The following IPO11 variants were observed in gnomAD, a reference collection of about 807,000 sequenced individuals.
The protein encoded by IPO11 is importin-11.
Under a neutral mutation model 143.2 loss-of-function variants are expected in IPO11, and 66 were observed. The observed-to-expected ratio is 0.46, with a 90% CI of 0.38 to 0.57. IPO11 has a LOEUF of 0.57. Among genes scored for constraint, IPO11 ranks in the 20% least tolerant of loss-of-function variants. The probability of loss-of-function intolerance (pLI) is 0.00; values close to 1 mark genes in which losing one functional copy is unlikely to be tolerated. For synonymous variants in IPO11, 385 were observed against 377.8 expected (o/e 1.02, Z -0.22); for missense variants, 1,026 against 1,141.0 (o/e 0.90, Z 1.45).
At chr5:62,579,981 T>C (rs1230900308) in intron 27 of IPO11, 4 of 1,551,316 alleles carry the variant, frequency 2.6e-6, no homozygotes, top group Non-Finnish European at 2.6e-6. Context: ...GTATGGTTGC[T>C]CTTCGGATAC....
At chr5:62,585,839 A>T (rs1744752598) in intron 27 of IPO11, among the ~76,000 whole-genome samples, 1 of 152,228 alleles carries the variant, frequency 6.6e-6, no homozygotes, top group Non-Finnish European at 1.5e-5. Context: ...TAAATTTGAC[A>T]GAATTTGTTG....
At chr5:62,452,938 A>G (rs1036894785) in intron 5 of IPO11, among the ~76,000 whole-genome samples, 2 of 150,316 alleles carry the variant, frequency 1.3e-5, no homozygotes, top group African/African-American at 5.0e-5. Flanking sequence ...TTTTTTTTAG[A>G]GATGAAGTCT....
intron 27 of IPO11, chr5:62,581,126 G>A: frequency 6.5e-7 from 1 of 1,549,898 alleles, no homozygotes; most frequent in Non-Finnish European, 8.7e-7. Context: ...GAAAACTCAA[G>A]GGAAAATAGA....
At position 62,483,282 on chromosome 5, in the gene IPO11, A is replaced by G. The variant is rs756620354; in HGVS notation, c.1010A>G (p.Lys337Arg). ...AAAAATTATGCTTATAAGCCATCCA[A>G]AAATTTTGAAGGTAATTCCTTTATT... is the stretch of plus-strand genomic sequence containing the variant. The part of the protein sequence containing the change: ...IVKNYAYKPS[K>R]NFEDSSPETL... The change falls in exon 10 of 30, where the codon AAA (lysine) becomes AGA (arginine). Residue 337 changes from lysine (K) to arginine (R), a missense_variant. Transcript: ENST00000325324. 6.4e-7 allele frequency: 1 copy of G among 1,551,278 alleles called. No individual in the cohort carries two copies. The highest frequency in any genetic ancestry group is 8.7e-7 in the Non-Finnish European group (1 of 1,146,278).
intron 1 of IPO11, among the ~76,000 whole-genome samples, chr5:62,427,060 C>A (rs1743779037): frequency 6.6e-6 from 1 of 150,976 alleles, no homozygotes; most frequent in African/African-American, 2.4e-5. Context: ...GCCTTAGCCT[C>A]CCGAGTAGCT....
At chr5:62,458,246 C>T (rs1745233712) in intron 5 of IPO11, among the ~76,000 whole-genome samples, 1 of 151,348 alleles carries the variant, frequency 6.6e-6, no homozygotes, top group African/African-American at 2.4e-5. Flanking sequence ...TTTAATTGTA[C>T]ATTAAATGCC....
At chr5:62,582,630 C>T (rs1303473060) in intron 27 of IPO11, among the ~76,000 whole-genome samples, 3 of 152,150 alleles carry the variant, frequency 2.0e-5, no homozygotes, top group African/African-American at 7.2e-5. Context: ...ACCATTTAAG[C>T]TGTGGTTTTG....
At chr5:62,545,905 C>T (rs923477756) in intron 24 of IPO11, among the ~76,000 whole-genome samples, 1 of 152,220 alleles carries the variant, frequency 6.6e-6, no homozygotes, top group Non-Finnish European at 1.5e-5. Flanking sequence ...GAGATACCAT[C>T]TCACACCAGT....
At chr5:62,579,501 T>C (rs538617576) in intron 27 of IPO11, 6 of 1,551,030 alleles carry the variant, frequency 3.9e-6, no homozygotes, top group East Asian at 4.9e-5. Context: ...CCTGTTATCT[T>C]TTATTATTAC....
intron 29 of IPO11, among the ~76,000 whole-genome samples, chr5:62,605,334 T>C (rs1745666524): frequency 6.6e-6 from 1 of 152,204 alleles, no homozygotes; most frequent in Admixed American, 6.5e-5. Context: ...TCCATACGTT[T>C]CTGAGAATTC....
At chr5:62,456,921 G>A (rs1745181231) in intron 5 of IPO11, among the ~76,000 whole-genome samples, 1 of 151,926 alleles carries the variant, frequency 6.6e-6, no homozygotes, top group Non-Finnish European at 1.5e-5. Flanking sequence ...GTGAAACCCC[G>A]TCTGTACTAA....
intron 29 of IPO11, among the ~76,000 whole-genome samples, chr5:62,613,462 C>T (rs888920272): frequency 3.3e-5 from 5 of 151,878 alleles, no homozygotes; most frequent in African/African-American, 1.2e-4. Flanking sequence ...ACCACCACAC[C>T]TGGCTAATTT....
rs1018491407 is a variant in IPO11, at chr5:62,430,680, A to T, written c.-6-6594A>T. Among the ~76,000 whole-genome samples, 166 of 140,806 alleles carry T rather than the reference A, an allele frequency of 1.2e-3. 1 individual carries two copies. The highest frequency in any genetic ancestry group is 1.5e-3 in the Non-Finnish European group (96 of 64,448). 92.4% of individuals were successfully genotyped at this position (140,806 alleles called of 152,430 possible). A position where few individuals can be genotyped will look rare whatever the true frequency, so the allele number is the denominator to read the frequency against. Reference sequence around the variant, plus strand: ...TAATTTAATTTAATTTAATTACTTAATTTTTTTTTTTTTTTTGAGACAGAG... The same window carrying T: ...TAATTTAATTTAATTTAATTACTTATTTTTTTTTTTTTTTTTGAGACAGAG... On this transcript the variant is annotated intron_variant, in intron 1 of 29. Coordinates refer to ENST00000325324, the MANE Select transcript of IPO11 (RefSeq NM_016338.5).
At chr5:62,481,891 A>G (rs1746226185) in intron 9 of IPO11, among the ~76,000 whole-genome samples, 1 of 152,164 alleles carries the variant, frequency 6.6e-6, no homozygotes. Flanking sequence ...TACCTCTGAT[A>G]GAATTCGGCT....
chr5:62,514,080 C>G (rs983832024), intron 19 of IPO11, among the ~76,000 whole-genome samples: 3 of 151,152 alleles, frequency 2.0e-5, no homozygotes, highest in Non-Finnish European at 1.5e-5. Context: ...GGATGGCGGC[C>G]GGGCAGAGAC....
chr5:62,586,768 A>AAATATAT (rs1554057003), intron 27 of IPO11, among the ~76,000 whole-genome samples: 17 of 28,908 alleles, frequency 5.9e-4, no homozygotes, highest in African/African-American at 1.5e-3. Flanking sequence ...AAAAAAAAAA[A>AAATATAT]ATATATATAT....
At chr5:62,561,874 C>A (rs945977535) in intron 27 of IPO11, 1 of 152,144 alleles carries the variant, frequency 6.6e-6, no homozygotes, top group Non-Finnish European at 1.5e-5. Context: ...CTCATTCATG[C>A]TGTGTAGATT....
chr5:62,489,181 C>A (rs1746516553), intron 13 of IPO11, 121 bp from the exon 14 acceptor site: 1 of 484,952 alleles, frequency 2.1e-6, no homozygotes, highest in Admixed American at 4.1e-5. Flanking sequence ...ATTTTTGACA[C>A]CATGAAATGT....
chr5:62,539,796 C>T (rs1742866456), intron 24 of IPO11, among the ~76,000 whole-genome samples: 1 of 152,256 alleles, frequency 6.6e-6, no homozygotes, highest in South Asian at 2.1e-4. Flanking sequence ...GACACAGTGG[C>T]AATATAAGTA....
Sources: allele counts gnomAD v4.1 joint callset (sites outside exome capture counted in the v4.1 genomes callset), GRCh38; gene constraint gnomAD v4.1.1; transcripts MANE v1.5; gene names NCBI Gene and HGNC (gene_info 2026-07-23, HGNC 2026-07-21).